Variants in TMEM65 observed in about 807,000 individuals in gnomAD.
The protein encoded by TMEM65 is transmembrane protein 65.
In TMEM65, 22 loss-of-function variants were observed where a neutral mutation model predicts 25.4. The ratio of observed to expected loss-of-function variants is 0.86; its 90% confidence interval spans 0.62 to 1.23. The LOEUF is 1.23. Among genes scored for constraint, TMEM65 ranks in the 50% most tolerant of loss-of-function variants. The probability of loss-of-function intolerance (pLI) is 0.00; values close to 1 mark genes in which losing one functional copy is unlikely to be tolerated. For synonymous variants in TMEM65, 132 were observed against 126.2 expected, an observed-to-expected ratio of 1.05 and a Z score of -0.31; for missense variants, 262 against 308.2, an observed-to-expected ratio of 0.85 and a Z score of 1.12.
intron 6 of TMEM65, among the ~76,000 whole-genome samples, chr8:124,315,371 G>A (rs1017219454): frequency 3.3e-5 from 5 of 151,636 alleles, no homozygotes; most frequent in African/African-American, 1.2e-4. Flanking sequence ...GCCCAGGTTG[G>A]AGTGCAGTGA....
rs1814179015 is a variant in TMEM65, at chr8:124,312,647, T to G, written c.*1313A>C. On this transcript the variant is annotated 3_prime_UTR_variant, in exon 7 of 7. Transcript: ENST00000297632. ...TAACAGACCACATGCTAAAAAAGTT[T>G]AAGGGTTCAGAAAACTAAAATTTAT... 1 of 151,940 alleles carries G rather than the reference T, an allele frequency of 6.6e-6. No individual in the cohort carries two copies. The highest frequency in any genetic ancestry group is 1.5e-5 in the Non-Finnish European group (1 of 67,862). The allele number at this position is 151,940 out of a possible 1,614,324, so 9.4% of individuals were successfully genotyped here.
At position 124,308,192 on chromosome 8, in the gene TMEM65, T is replaced by C. The variant is rs1814116447; in HGVS notation, c.*5768A>G. 1.3e-5 allele frequency: 2 copies of C among 152,216 alleles called. No homozygotes were observed. The highest frequency in any genetic ancestry group is 4.8e-5 in the African/African-American group (2 of 41,442). The allele number at this position is 152,216 out of a possible 1,614,324, so 9.4% of individuals were successfully genotyped here. On this transcript the variant is annotated 3_prime_UTR_variant, in exon 7 of 7. Transcript: ENST00000297632. ...AAAGGACTGCCTTTTAAAGTTGTTT[T>C]GATACTGGACAATGCCCCTGGCCAC...
chr8:124,369,763 T>C (rs189259020), intron 1 of TMEM65, among the ~76,000 whole-genome samples: 3 of 152,338 alleles, frequency 2.0e-5, no homozygotes, highest in East Asian at 1.9e-4. Context: ...GTGATGATTC[T>C]AGTTATCTCC....
Position 124,311,048 on chromosome 8 carries a change from C to T in TMEM65, c.*2912G>A, listed in dbSNP as rs1198333418. On this transcript the variant is annotated 3_prime_UTR_variant, in exon 7 of 7. Coordinates refer to ENST00000297632, the MANE Select transcript of TMEM65 (RefSeq NM_194291.3). ...AACTTTTGGTATAAAAGATAAACTT[C>T]CATTACCTTCAAAATTTATGTTCTA... is the stretch of plus-strand genomic sequence containing the variant. The T allele has an allele frequency of 1.3e-5, 2 of 152,078 alleles. No individual in the cohort carries two copies. Among genetic ancestry groups the T allele is most frequent in the African/African-American group, 4.8e-5 (2 of 41,386 alleles). The allele number at this position is 152,078 out of a possible 1,614,324, so 9.4% of individuals were successfully genotyped here.
At chr8:124,322,450 T>C (rs1814315279) in intron 4 of TMEM65, among the ~76,000 whole-genome samples, 1 of 152,166 alleles carries the variant, frequency 6.6e-6, no homozygotes, top group Non-Finnish European at 1.5e-5. Context: ...TTAAAGGAAT[T>C]GGTAAAGTTG....
intron 4 of TMEM65, among the ~76,000 whole-genome samples, chr8:124,323,024 A>AAAT (rs2131198290): frequency 6.6e-6 from 1 of 151,604 alleles, no homozygotes; most frequent in Non-Finnish European, 1.5e-5. Flanking sequence ...ATAAATAAAT[A>AAAT]AAAGAGACCA....
intron 1 of TMEM65, among the ~76,000 whole-genome samples, chr8:124,365,448 C>T (rs561899301): frequency 9.7e-4 from 147 of 152,228 alleles, no homozygotes; most frequent in Middle Eastern, 3.4e-3. Flanking sequence ...CTTGCTTGAC[C>T]ATTACATGCA....
At chr8:124,322,600 T>C (rs1360954657) in intron 4 of TMEM65, among the ~76,000 whole-genome samples, 4 of 151,914 alleles carry the variant, frequency 2.6e-5, no homozygotes. Context: ...GAGTGGTAAA[T>C]GGGACAGAGA....
chr8:124,327,267 T>C, intron 3 of TMEM65, 87 bp downstream of exon 3: 1 of 898,566 alleles, frequency 1.1e-6, no homozygotes. Context: ...ATTAAAACTT[T>C]ATAATCACAA....
At chr8:124,351,223 ACAGG>A (rs1814703683) in intron 1 of TMEM65, 2 of 614,624 alleles carry the variant, frequency 3.3e-6, no homozygotes, top group South Asian at 1.4e-4. Context: ...ATGCTAGTAT[ACAGG>A]CAGTCTTTAC....
intron 1 of TMEM65, among the ~76,000 whole-genome samples, chr8:124,351,273 G>A (rs1228838640): frequency 6.6e-6 from 1 of 152,080 alleles, no homozygotes; most frequent in Non-Finnish European, 1.5e-5. Context: ...AACTGATAAC[G>A]CAAACTTAAA....
At chr8:124,319,526 C>T (rs1260307816) in intron 6 of TMEM65, among the ~76,000 whole-genome samples, 5 of 151,914 alleles carry the variant, frequency 3.3e-5, no homozygotes, top group Non-Finnish European at 5.9e-5. Context: ...CCTAAATATA[C>T]CCTTTTTTTA....
At chr8:124,371,515 G>A (rs1045910194) in intron 1 of TMEM65, among the ~76,000 whole-genome samples, 1 of 152,254 alleles carries the variant, frequency 6.6e-6, no homozygotes, top group African/African-American at 2.4e-5. Context: ...AGGAGGGCTG[G>A]GGAGGGGAGG....
chr8:124,318,163 GC>G (rs1814260242), intron 6 of TMEM65, among the ~76,000 whole-genome samples: 1 of 151,920 alleles, frequency 6.6e-6, no homozygotes, highest in Non-Finnish European at 1.5e-5. Context: ...GTCCCTCACA[GC>G]CACAAAAAAA....
chr8:124,314,115 A>C, intron 6 of TMEM65, 54 bp from the exon 7 acceptor site: 1 of 1,436,752 alleles, frequency 7.0e-7, no homozygotes, highest in Non-Finnish European at 9.7e-7. Context: ...GATAACAAGA[A>C]GGCAGAGAAA....
At chr8:124,353,716 G>A (rs1814741322) in intron 1 of TMEM65, among the ~76,000 whole-genome samples, 1 of 152,094 alleles carries the variant, frequency 6.6e-6, no homozygotes, top group African/African-American at 2.4e-5. Context: ...GAGTAATGAA[G>A]ACACGTCAAA....
chr8:124,363,806 C>T lies in TMEM65; in HGVS notation c.304+8048G>A, dbSNP rs1033337678. Among the ~76,000 whole-genome samples the T allele has an allele frequency of 3.8e-5, 5 of 133,324 alleles. No homozygotes were observed. In the South Asian group the frequency reaches 1.2e-3, roughly 32 times the overall value. The allele number at this position is 133,324 out of a possible 152,430, so 87.5% of individuals were successfully genotyped here. A position where few individuals can be genotyped will look rare whatever the true frequency, so the allele number is the denominator to read the frequency against. ...GAGCCGAGATCCCGCCACTGCACTCCAGCCAGGGCGACAGAGCGAGACTCC... is the reference window on the plus strand; with the variant it reads ...GAGCCGAGATCCCGCCACTGCACTCTAGCCAGGGCGACAGAGCGAGACTCC... On this transcript the variant is annotated intron_variant, in intron 1 of 6. Transcript: ENST00000297632.
At chr8:124,345,580 G>A (rs1814631165) in intron 1 of TMEM65, among the ~76,000 whole-genome samples, 1 of 152,066 alleles carries the variant, frequency 6.6e-6, no homozygotes, top group Admixed American at 6.6e-5. Context: ...AGGGCTAATG[G>A]CATATAGAGT....
chr8:124,330,816 G>A, intron 1 of TMEM65, 24 bp from the exon 2 acceptor site: 1 of 1,573,076 alleles, frequency 6.4e-7, no homozygotes, highest in Non-Finnish European at 8.6e-7. Flanking sequence ...AAAGGATGTG[G>A]GGCAAGAATT....
Sources: allele counts gnomAD v4.1 joint callset (sites outside exome capture counted in the v4.1 genomes callset), GRCh38; gene constraint gnomAD v4.1.1; transcripts MANE v1.5; gene names NCBI Gene and HGNC (gene_info 2026-07-23, HGNC 2026-07-21).